The following ADAMTSL1 variants were observed in gnomAD, a reference collection of about 807,000 sequenced individuals.
The protein encoded by ADAMTSL1 is ADAMTS-like protein 1.
ADAMTSL1 carries 126 observed loss-of-function variants against 201.8 expected under a neutral mutation model. The observed-to-expected ratio is 0.62, with a 90% CI of 0.54 to 0.72. ADAMTSL1 has a LOEUF of 0.72. Ranked by LOEUF, ADAMTSL1 falls within the 30% of genes least tolerant of loss-of-function variation. ADAMTSL1 has a pLI of 0.00. For synonymous variants in ADAMTSL1, 1,121 were observed against 903.4 expected, an observed-to-expected ratio of 1.24 and a Z score of -4.32; for missense variants, 2,679 against 2,277.8, an observed-to-expected ratio of 1.18 and a Z score of -3.59.
chr9:18,085,752 CAT>C (rs1479386155), intron 1 of ADAMTSL1, among the ~76,000 whole-genome samples: 5 of 149,544 alleles, frequency 3.3e-5, no homozygotes, highest in African/African-American at 1.2e-4. Flanking sequence ...TACGTGTATA[CAT>C]ATATATGTGT....
At chr9:18,828,269 G>C (rs1455605889) in intron 22 of ADAMTSL1, among the ~76,000 whole-genome samples, 1 of 152,132 alleles carries the variant, frequency 6.6e-6, no homozygotes, top group African/African-American at 2.4e-5. Context: ...GCACTGAAAA[G>C]GAAAATTACT....
intron 4 of ADAMTSL1, chr9:18,574,599 G>GTGTGTGTC: frequency 5.8e-6 from 2 of 343,968 alleles, no homozygotes; most frequent in Non-Finnish European, 1.0e-5. Flanking sequence ...TTGTGTTTGT[G>GTGTGTGTC]TGTGTGTGTG....
intron 2 of ADAMTSL1, among the ~76,000 whole-genome samples, chr9:18,419,675 T>C (rs1818851180): frequency 6.6e-6 from 1 of 151,594 alleles, no homozygotes. Context: ...GAAAGTATGC[T>C]GAGTGAAAGA....
At chr9:18,247,725 T>C (rs1441692117) in intron 2 of ADAMTSL1, among the ~76,000 whole-genome samples, 2 of 152,036 alleles carry the variant, frequency 1.3e-5, no homozygotes, top group African/African-American at 4.8e-5. Flanking sequence ...AAGCAGAGGC[T>C]TCAAGGAGGC....
chr9:18,507,081 G>T (rs13283108), intron 2 of ADAMTSL1, among the ~76,000 whole-genome samples: 18,182 of 152,136 alleles, frequency 0.12, 1,494 homozygotes, highest in Non-Finnish European at 0.18. Context: ...ATTTTTAATT[G>T]TGAAAGAACT....
At chr9:18,219,813 T>C (rs1398129066) in intron 2 of ADAMTSL1, among the ~76,000 whole-genome samples, 1 of 152,172 alleles carries the variant, frequency 6.6e-6, no homozygotes, top group Non-Finnish European at 1.5e-5. Context: ...TTTTAATTGT[T>C]TGCTGATGAT....
chr9:18,578,694 T>C (rs1304287052), intron 4 of ADAMTSL1, among the ~76,000 whole-genome samples: 1 of 152,148 alleles, frequency 6.6e-6, no homozygotes, highest in Non-Finnish European at 1.5e-5. Context: ...AACATACGTG[T>C]GCATGTGTCT....
intron 2 of ADAMTSL1, among the ~76,000 whole-genome samples, chr9:18,458,930 GTA>G (rs907938065): frequency 7.2e-5 from 11 of 152,090 alleles, no homozygotes; most frequent in African/African-American, 2.2e-4. Context: ...CTTATCAACA[GTA>G]TTTTAAAAAA....
chr9:18,470,589 A>G (rs906910714), upstream of ADAMTSL1, among the ~76,000 whole-genome samples: 1 of 152,120 alleles, frequency 6.6e-6, no homozygotes, highest in Non-Finnish European at 1.5e-5. Context: ...TGTGTCCCCT[A>G]TACACTGGTT....
At chr9:17,997,304 A>G (rs1563940521) in intron 1 of ADAMTSL1, among the ~76,000 whole-genome samples, 1 of 152,050 alleles carries the variant, frequency 6.6e-6, no homozygotes, top group Non-Finnish European at 1.5e-5. Context: ...TATAACAAAC[A>G]AGGGTGTTGG....
chr9:18,530,216 G>A (rs1156583193), intron 2 of ADAMTSL1, among the ~76,000 whole-genome samples: 1 of 152,086 alleles, frequency 6.6e-6, no homozygotes, highest in Non-Finnish European at 1.5e-5. Flanking sequence ...GGCAGGTAAG[G>A]AAACTAAGAC....
At chr9:18,369,167 C>T (rs1237856215) in intron 2 of ADAMTSL1, among the ~76,000 whole-genome samples, 1 of 152,144 alleles carries the variant, frequency 6.6e-6, no homozygotes, top group African/African-American at 2.4e-5. Context: ...TTAAGAAAAG[C>T]TCATACTTCA....
At chr9:18,168,048 A>G (rs532358362) in intron 2 of ADAMTSL1, among the ~76,000 whole-genome samples, 2 of 152,154 alleles carry the variant, frequency 1.3e-5, no homozygotes, top group African/African-American at 4.8e-5. Context: ...GCAAATGTAC[A>G]CATGCTCTAA....
chr9:17,966,789 AC>A (rs1397652833), intron 1 of ADAMTSL1, among the ~76,000 whole-genome samples: 1 of 152,064 alleles, frequency 6.6e-6, no homozygotes, highest in Non-Finnish European at 1.5e-5. Context: ...TATTTGGATT[AC>A]TTTTTAAGGA....
At chr9:18,502,801 G>A (rs1265271108) in intron 1 of ADAMTSL1, among the ~76,000 whole-genome samples, 2 of 152,138 alleles carry the variant, frequency 1.3e-5, no homozygotes, top group Non-Finnish European at 2.9e-5. Flanking sequence ...ATTTCAGGGA[G>A]ATGATACTTT....
At chr9:18,221,705 A>G (rs528294112) in intron 2 of ADAMTSL1, among the ~76,000 whole-genome samples, 23 of 152,180 alleles carry the variant, frequency 1.5e-4, no homozygotes, top group Admixed American at 3.3e-4. Flanking sequence ...AAATTTCCAA[A>G]CATATTTATC....
At chr9:18,363,529 A>T (rs1228487148) in intron 2 of ADAMTSL1, among the ~76,000 whole-genome samples, 1 of 152,210 alleles carries the variant, frequency 6.6e-6, no homozygotes, top group Non-Finnish European at 1.5e-5. Flanking sequence ...TGGTTTGTTC[A>T]TTCTTAAAAT....
intron 4 of ADAMTSL1, among the ~76,000 whole-genome samples, chr9:18,619,817 G>A (rs143364394): frequency 1.3e-5 from 2 of 152,172 alleles, no homozygotes; most frequent in African/African-American, 4.8e-5. Flanking sequence ...TTGGACGCCT[G>A]AGAGTGGAAA....
chr9:17,994,258 C>G (rs1216986060), intron 1 of ADAMTSL1, among the ~76,000 whole-genome samples: 2 of 152,120 alleles, frequency 1.3e-5, no homozygotes, highest in African/African-American at 4.8e-5. Flanking sequence ...TGTCCATGCA[C>G]AAGGGTTGAG....
Sources: allele counts gnomAD v4.1 joint callset (sites outside exome capture counted in the v4.1 genomes callset), GRCh38; gene constraint gnomAD v4.1.1; transcripts MANE v1.5; gene names NCBI Gene and HGNC (gene_info 2026-07-23, HGNC 2026-07-21).